The following CLIC4 variants were observed in gnomAD, a reference collection of about 807,000 sequenced individuals.
CLIC4 encodes the protein CLIC family member 4.
A neutral mutation model predicts 24.6 loss-of-function variants in CLIC4; 13 were observed. That is an observed-to-expected ratio of 0.53 (90% CI 0.34 to 0.84). CLIC4 has a LOEUF of 0.84. Among genes scored for constraint, CLIC4 ranks in the 40% least tolerant of loss-of-function variants. The pLI, the probability that CLIC4 is intolerant of heterozygous loss-of-function variation, is 0.01. For missense variants in CLIC4, 227 were observed against 301.7 expected, an observed-to-expected ratio of 0.75 and a Z score of 1.83; for synonymous variants, 104 against 111.3, an observed-to-expected ratio of 0.93 and a Z score of 0.41.
chr1:24,748,499 GTTTT>G (rs869153638), intron 1 of CLIC4, among the ~76,000 whole-genome samples: 7 of 80,608 alleles, frequency 8.7e-5, no homozygotes, highest in Non-Finnish European at 1.5e-4. Flanking sequence ...CAGGTTTTTT[GTTTT>G]TTTTTTTTTT....
intron 1 of CLIC4, among the ~76,000 whole-genome samples, chr1:24,776,055 T>C (rs949681109): frequency 6.6e-6 from 1 of 152,232 alleles, no homozygotes; most frequent in Admixed American, 6.5e-5. Flanking sequence ...GCAGTGTACA[T>C]TTCAGTTCAG....
rs144407882 is a variant in CLIC4 at position 24,747,855 on chromosome 1, T to G, written c.72+2230T>G. Among the ~76,000 whole-genome samples, 500 of 151,884 alleles carry G rather than the reference T, an allele frequency of 3.3e-3. 3 individuals carry two copies. The highest frequency in any genetic ancestry group is 4.6e-3 in the Non-Finnish European group (316 of 67,958). The stretch of plus-strand genomic sequence containing the variant: ...TTCGAGACCAGCCTGGCCAACATGG[T>G]GAAACCCTGTCTCTACTAAAAATAG... On this transcript the variant is annotated intron_variant, in intron 1 of 5. Coordinates refer to ENST00000374379, the MANE Select transcript of CLIC4 (RefSeq NM_013943.3).
intron 1 of CLIC4, among the ~76,000 whole-genome samples, chr1:24,761,666 T>G (rs956745927): frequency 1.3e-5 from 2 of 152,122 alleles, no homozygotes; most frequent in African/African-American, 4.8e-5. Context: ...CATCTTAATA[T>G]GAGTAGCCTG....
Position 24,841,061 on chromosome 1 carries a change from GA to G in CLIC4, c.*125del, listed in dbSNP as rs1639937354. The G allele has an allele frequency of 2.6e-6, 2 of 754,856 alleles. No individual in the cohort carries two copies. The highest frequency in any genetic ancestry group is 4.2e-6 in the Non-Finnish European group (2 of 476,104). The allele number at this position is 754,856 out of a possible 1,614,324, so 46.8% of individuals were successfully genotyped here. A position where few individuals can be genotyped will look rare whatever the true frequency, so the allele number is the denominator to read the frequency against. On this transcript the variant is annotated 3_prime_UTR_variant, in exon 6 of 6. Coordinates refer to ENST00000374379, the MANE Select transcript of CLIC4 (RefSeq NM_013943.3). ...CGAACATGCAGTTATTGAAGATTAG[GA>G]TCAAGGATAGACAAGGTATAGTAGT...
chr1:24,757,582 A>C (rs2124085237), intron 1 of CLIC4, among the ~76,000 whole-genome samples: 1 of 152,242 alleles, frequency 6.6e-6, no homozygotes, highest in South Asian at 2.1e-4. Flanking sequence ...TCTACAAAAA[A>C]ACTAAAGGTG....
At chr1:24,798,464 T>C (rs1226883486) in intron 2 of CLIC4, among the ~76,000 whole-genome samples, 4 of 152,184 alleles carry the variant, frequency 2.6e-5, no homozygotes, top group Non-Finnish European at 5.9e-5. Flanking sequence ...CTTTATGGCT[T>C]ATTTTCCATA....
intron 1 of CLIC4, among the ~76,000 whole-genome samples, chr1:24,783,165 T>C (rs937040211): frequency 6.6e-6 from 1 of 152,206 alleles, no homozygotes; most frequent in African/African-American, 2.4e-5. Flanking sequence ...GGGATATATC[T>C]TGTGTATGTA....
chr1:24,745,474 G>C lies in CLIC4; in HGVS notation c.-80G>C, dbSNP rs1638674248. ...TCCAGCGAGCAGCACGGCGGGAACC[G>C]GCAGCCGGAGCAGTCCCGGAGCAGA... On this transcript the variant is annotated 5_prime_UTR_variant, in exon 1 of 6. Transcript: ENST00000374379. 1.5e-6 allele frequency: 2 copies of C among 1,355,874 alleles called. No homozygotes were observed. Among genetic ancestry groups the C allele is most frequent in the Admixed American group, 4.2e-5 (2 of 47,186 alleles). 84.0% of individuals were successfully genotyped at this position (1,355,874 alleles called of 1,614,324 possible). A position where few individuals can be genotyped will look rare whatever the true frequency, so the allele number is the denominator to read the frequency against.
At position 24,781,646 on chromosome 1, in the gene CLIC4, G is replaced by A. The variant is rs185560679; in HGVS notation, c.73-16096G>A. On this transcript the variant is annotated intron_variant, in intron 1 of 5. Transcript: ENST00000374379. ...TGGGGAAGTCATTCTAGGAAAAGAA[G>A]ATGGAGAACTTTGTGAGACCTATTT... 2.0e-5 allele frequency among the ~76,000 whole-genome samples: 3 copies of A among 151,864 alleles called. No individual in the cohort carries two copies. The East Asian group carries it at 5.8e-4, about 29-fold the overall frequency.
chr1:24,807,031 C>T (rs762385152), intron 2 of CLIC4, among the ~76,000 whole-genome samples: 10 of 151,908 alleles, frequency 6.6e-5, no homozygotes, highest in Non-Finnish European at 1.2e-4. Flanking sequence ...GGTGCAGTGG[C>T]GTGCTCTCTA....
At chr1:24,785,094 T>C (rs2124117175) in intron 1 of CLIC4, among the ~76,000 whole-genome samples, 1 of 151,894 alleles carries the variant, frequency 6.6e-6, no homozygotes, top group Admixed American at 6.5e-5. Flanking sequence ...TTTTTTTTTT[T>C]TTTTAAAGCA....
At chr1:24,759,116 C>G (rs902072440) in intron 1 of CLIC4, among the ~76,000 whole-genome samples, 2 of 152,168 alleles carry the variant, frequency 1.3e-5, no homozygotes, top group African/African-American at 2.4e-5. Context: ...GTAGATCCTC[C>G]TCTTGTGCTC....
chr1:24,775,435 C>T (rs760561159), intron 1 of CLIC4, among the ~76,000 whole-genome samples: 4 of 151,158 alleles, frequency 2.6e-5, no homozygotes, highest in Admixed American at 6.6e-5. Context: ...AGTATTTTCC[C>T]GTAGGTCTTT....
intron 1 of CLIC4, among the ~76,000 whole-genome samples, chr1:24,756,369 A>G (rs1342103122): frequency 1.3e-5 from 2 of 152,202 alleles, no homozygotes; most frequent in Admixed American, 6.5e-5. Context: ...ACATGCATAT[A>G]TTTTGTACCT....
At chr1:24,762,597 C>G (rs1451290794) in intron 1 of CLIC4, among the ~76,000 whole-genome samples, 1 of 152,072 alleles carries the variant, frequency 6.6e-6, no homozygotes, top group Non-Finnish European at 1.5e-5. Flanking sequence ...AGGAAAACTA[C>G]TAGAGTGAGG....
At chr1:24,809,313 G>C (rs1639588760) in intron 2 of CLIC4, among the ~76,000 whole-genome samples, 1 of 152,126 alleles carries the variant, frequency 6.6e-6, no homozygotes, top group South Asian at 2.1e-4. Context: ...TGTAGTCATA[G>C]AAACCTGAGG....
At chr1:24,805,224 A>T (rs1639538104) in intron 2 of CLIC4, among the ~76,000 whole-genome samples, 1 of 152,228 alleles carries the variant, frequency 6.6e-6, no homozygotes, top group Admixed American at 6.5e-5. Flanking sequence ...AAGTAGACAG[A>T]TTAACAATAT....
intron 2 of CLIC4, among the ~76,000 whole-genome samples, chr1:24,804,389 G>T (rs1383623936): frequency 1.4e-5 from 2 of 141,374 alleles, no homozygotes; most frequent in Non-Finnish European, 3.1e-5. Context: ...CATGTGTGTG[G>T]GTGGGTGGGT....
rs1012404532 is a variant in CLIC4, at chr1:24,751,173, C to T, written c.72+5548C>T. On this transcript the variant is annotated intron_variant, in intron 1 of 5. Transcript: ENST00000374379. ...CAAACCCAGTGTAATTTTATGTACT[C>T]ACCTCTTTTTTTTCTCCATTTAATA... Among the ~76,000 whole-genome samples the T allele has an allele frequency of 2.6e-5, 4 of 151,272 alleles. No individual in the cohort carries two copies. In the South Asian group the frequency reaches 8.3e-4, roughly 31 times the overall value.
Sources: gnomAD v4.1 joint callset for allele counts (sites outside exome capture counted in the v4.1 genomes callset) on GRCh38, gnomAD v4.1.1 for gene constraint, MANE v1.5 for transcripts, NCBI Gene and HGNC (gene_info 2026-07-23, HGNC 2026-07-21) for gene names.